The following PTPRN2 variants were observed in gnomAD, a reference collection of about 807,000 sequenced individuals.
PTPRN2 encodes the protein protein tyrosine phosphatase receptor type N2, also known as receptor-type tyrosine-protein phosphatase N2.
PTPRN2 carries 74 observed loss-of-function variants against 118.8 expected under a neutral mutation model. The observed-to-expected ratio is 0.62, with a 90% CI of 0.52 to 0.76. The LOEUF (loss-of-function observed/expected upper bound fraction) is 0.76, where lower values mean the gene tolerates loss of function less well. PTPRN2 is among the 30% of genes least tolerant of loss of function. The pLI is 0.00. For synonymous variants in PTPRN2, 641 were observed against 608.0 expected, an observed-to-expected ratio of 1.05 and a Z score of -0.80; for missense variants, 1,481 against 1,394.4, an observed-to-expected ratio of 1.06 and a Z score of -0.99.
chr7:158,166,637 T>C (rs1352358626), intron 6 of PTPRN2, among the ~76,000 whole-genome samples: 1 of 144,356 alleles, frequency 6.9e-6, no homozygotes, highest in East Asian at 2.4e-4. Flanking sequence ...CTGTGTTCAC[T>C]GTCCTCACAC....
chr7:158,487,833 C>T lies in PTPRN2; in HGVS notation c.163+1902G>A, dbSNP rs571804514. 7.9e-5 allele frequency among the ~76,000 whole-genome samples: 12 copies of T among 152,108 alleles called. No homozygotes were observed. In the South Asian group the frequency reaches 2.5e-3, roughly 32 times the overall value. On this transcript the variant is annotated intron_variant, in intron 2 of 22. Transcript: ENST00000389418. The stretch of plus-strand genomic sequence containing the variant: ...GTTTTCTAAGACTGGGCACCACTGG[C>T]TTCGCTGTTTCCTAGACCTTCAGTG...
intron 11 of PTPRN2, among the ~76,000 whole-genome samples, chr7:157,913,091 A>G (rs1798190244): frequency 6.6e-6 from 1 of 152,222 alleles, no homozygotes; most frequent in African/African-American, 2.4e-5. Flanking sequence ...ATTGTCTTCA[A>G]CATCTTTTAA....
intron 2 of PTPRN2, among the ~76,000 whole-genome samples, chr7:158,331,091 T>C (rs60919704): frequency 0.023 from 415 of 18,224 alleles, no homozygotes; most frequent in Middle Eastern, 0.088. Flanking sequence ...TAAGAGCTGA[T>C]GCCCGCAGAC....
intron 6 of PTPRN2, among the ~76,000 whole-genome samples, chr7:158,160,144 T>C (rs11770102): frequency 0.63 from 95,033 of 151,976 alleles, 30,792 homozygotes; most frequent in East Asian, 0.85. Context: ...GGGGTGAAAC[T>C]GTAGACTTCG....
chr7:158,419,725 A>T (rs1296777339), intron 2 of PTPRN2, among the ~76,000 whole-genome samples: 1 of 151,914 alleles, frequency 6.6e-6, no homozygotes, highest in Non-Finnish European at 1.5e-5. Context: ...AGCATTCACC[A>T]CTCAGGGATT....
intron 15 of PTPRN2, among the ~76,000 whole-genome samples, chr7:157,612,799 G>A: frequency 6.6e-6 from 1 of 150,540 alleles, no homozygotes; most frequent in Middle Eastern, 3.4e-3. Context: ...ACTCACTTCC[G>A]CCGCACGGGA....
chr7:158,008,241 C>T (rs1209297875), intron 11 of PTPRN2, among the ~76,000 whole-genome samples: 3 of 152,036 alleles, frequency 2.0e-5, no homozygotes, highest in Admixed American at 1.3e-4. Context: ...GAGGAATGAA[C>T]GGATCCATGA....
At chr7:158,326,259 G>A (rs1017174782) in intron 2 of PTPRN2, among the ~76,000 whole-genome samples, 8 of 152,320 alleles carry the variant, frequency 5.3e-5, no homozygotes, top group South Asian at 2.1e-4. Flanking sequence ...GGTGGCCAGT[G>A]AGCACCAAGC....
At chr7:157,641,150 G>A (rs968391955) in intron 14 of PTPRN2, among the ~76,000 whole-genome samples, 1 of 152,194 alleles carries the variant, frequency 6.6e-6, no homozygotes, top group South Asian at 2.1e-4. Context: ...TTTGTGAGGA[G>A]GGCAGAAATG....
intron 12 of PTPRN2, among the ~76,000 whole-genome samples, chr7:157,731,754 C>T (rs111852945): frequency 0.036 from 172 of 4,822 alleles, 19 homozygotes; most frequent in East Asian, 0.053. Context: ...TCCCGTCCCA[C>T]GCGCCCAGCA....
chr7:158,530,689 T>C (rs527837624), intron 1 of PTPRN2, among the ~76,000 whole-genome samples: 2 of 152,312 alleles, frequency 1.3e-5, no homozygotes, highest in East Asian at 3.9e-4. Context: ...TACACTAACA[T>C]ATGAAACAGA....
At chr7:158,014,205 C>A (rs1563328766) in intron 11 of PTPRN2, among the ~76,000 whole-genome samples, 1 of 150,732 alleles carries the variant, frequency 6.6e-6, no homozygotes, top group Non-Finnish European at 1.5e-5. Context: ...TCTATGCATC[C>A]ATCCAGCCAG....
Position 158,414,606 on chromosome 7 carries a change from G to A in PTPRN2, c.163+75129C>T, listed in dbSNP as rs183676134. Among the ~76,000 whole-genome samples the A allele has an allele frequency of 1.1e-4, 16 of 152,314 alleles. No individual in the cohort carries two copies. The East Asian group carries it at 2.5e-3, about 24-fold the overall frequency. On this transcript the variant is annotated intron_variant, in intron 2 of 22. Coordinates refer to ENST00000389418, the MANE Select transcript of PTPRN2 (RefSeq NM_002847.5). Reference sequence around the variant, plus strand: ...AAGAAGCTGGCACGAGCTCACATGCGGGCTGGAGGCCGCCCCCGCTTCCAC... The same window carrying A: ...AAGAAGCTGGCACGAGCTCACATGCAGGCTGGAGGCCGCCCCCGCTTCCAC...
In PTPRN2 at chr7:158,494,602, T is replaced by C. The variant is rs928641128; in HGVS notation, c.113-4817A>G. Among the ~76,000 whole-genome samples, 3 of 152,152 alleles carry C rather than the reference T, an allele frequency of 2.0e-5. No homozygotes were observed. The South Asian group carries it at 6.2e-4, about 32-fold the overall frequency. ...GCTGCTGGCCACTCACTAATCACCC[T>C]TCCTGAGAGGGGCTCACTGAAGACC... On this transcript the variant is annotated intron_variant, in intron 1 of 22. Coordinates refer to ENST00000389418, the MANE Select transcript of PTPRN2 (RefSeq NM_002847.5).
chr7:158,464,489 C>G (rs1346363624), intron 2 of PTPRN2, among the ~76,000 whole-genome samples: 2 of 145,798 alleles, frequency 1.4e-5, no homozygotes, highest in East Asian at 4.2e-4. Context: ...CATTGCCATG[C>G]CATTTAATAA....
chr7:158,113,587 C>A (rs1816466773), intron 9 of PTPRN2, among the ~76,000 whole-genome samples: 1 of 152,094 alleles, frequency 6.6e-6, no homozygotes, highest in Admixed American at 6.5e-5. Context: ...CTCAGCAGGG[C>A]CTGCAGATTC....
intron 11 of PTPRN2, among the ~76,000 whole-genome samples, chr7:157,988,913 A>G (rs895508276): frequency 1.3e-5 from 2 of 152,232 alleles, no homozygotes; most frequent in Admixed American, 6.5e-5. Flanking sequence ...TGACCTGAGG[A>G]AAATCAGGGA....
At chr7:158,036,189 C>T (rs1241478278) in intron 11 of PTPRN2, among the ~76,000 whole-genome samples, 1 of 152,132 alleles carries the variant, frequency 6.6e-6, no homozygotes, top group Non-Finnish European at 1.5e-5. Flanking sequence ...CCACAAGAAA[C>T]TGCAACGCAC....
rs572729370 is a variant in PTPRN2, at chr7:158,475,135, G to A, written c.163+14600C>T. The stretch of plus-strand genomic sequence containing the variant: ...CTTGGGAGGCACCAGTTTCCCTGAC[G>A]CCACGGTGGCAGGCGGGAGGGCTCA... On this transcript the variant is annotated intron_variant, in intron 2 of 22. Transcript: ENST00000389418. Among the ~76,000 whole-genome samples, 12 of 152,172 alleles carry A rather than the reference G, an allele frequency of 7.9e-5. No individual in the cohort carries two copies. In the East Asian group the frequency reaches 1.8e-3, roughly 22 times the overall value.
Sources: gnomAD v4.1 joint callset for allele counts (sites outside exome capture counted in the v4.1 genomes callset) on GRCh38, gnomAD v4.1.1 for gene constraint, MANE v1.5 for transcripts, NCBI Gene and HGNC (gene_info 2026-07-23, HGNC 2026-07-21) for gene names.